Variants in TECPR2 observed in about 807,000 individuals in gnomAD.
TECPR2 encodes tectonin beta-propeller repeat-containing protein 2.
In TECPR2, 65 loss-of-function variants were observed where a neutral mutation model predicts 138.1. The ratio of observed to expected loss-of-function variants is 0.47; its 90% CI spans 0.39 to 0.58. TECPR2 has a LOEUF of 0.58. TECPR2 is among the 20% of genes least tolerant of loss of function. TECPR2 has a pLI of 0.00. For missense variants in TECPR2, 1,553 were observed against 1,824.5 expected (o/e 0.85, Z 2.71); for synonymous variants, 746 against 749.8 (o/e 0.99, Z 0.08).
In TECPR2 at chr14:102,376,854, G is replaced by C; in HGVS notation, c.133G>C (p.Gly45Arg). The part of the protein sequence containing the change: ...VVYLTALDTN[G>R]DYIAVGSSIG... ...CTATCTCACGGCCCTCGACACCAAC[G>C]GGGACTACATCGCGGTGGGCAGCAG... Residue 45 changes from glycine (G) to arginine (R), a missense_variant, in exon 2 of 20, where the codon GGG becomes CGG. Transcript: ENST00000359520. The C allele has an allele frequency of 6.2e-7, 1 of 1,614,136 alleles. No homozygotes were observed. The highest frequency in any genetic ancestry group is 8.5e-7 in the Non-Finnish European group (1 of 1,180,042).
chr14:102,459,546 A>G (rs1890354512), intron 16 of TECPR2, among the ~76,000 whole-genome samples: 1 of 152,104 alleles, frequency 6.6e-6, no homozygotes, highest in South Asian at 2.1e-4. Flanking sequence ...TTGAGAGGCC[A>G]AGGTGCGTAG....
At chr14:102,386,491 T>A (rs528595203) in intron 2 of TECPR2, among the ~76,000 whole-genome samples, 41 of 149,432 alleles carry the variant, frequency 2.7e-4, no homozygotes, top group Admixed American at 4.7e-4. Context: ...AAAGTGAAAA[T>A]TTTTTTTTTG....
At chr14:102,407,869 T>C (rs922700254) in intron 3 of TECPR2, among the ~76,000 whole-genome samples, 2 of 151,956 alleles carry the variant, frequency 1.3e-5, no homozygotes, top group African/African-American at 2.4e-5. Context: ...TGGTGGCGGG[T>C]GCCTGTAGTC....
At chr14:102,437,926 G>T in intron 9 of TECPR2, 96 bp from the exon 10 acceptor site, 1 of 1,406,026 alleles carries the variant, frequency 7.1e-7, no homozygotes. Flanking sequence ...TTACCGTCTC[G>T]TGTTAATGAT....
chr14:102,449,590 G>A, intron 13 of TECPR2, 39 bp from the exon 14 acceptor site: 1 of 1,610,534 alleles, frequency 6.2e-7, no homozygotes, highest in Non-Finnish European at 8.5e-7. Flanking sequence ...ACTTGTAACT[G>A]CTCTGACAGC....
At position 102,443,850 on chromosome 14, in the gene TECPR2, T is replaced by C; in HGVS notation, c.2933+23T>C. Reference sequence around the variant, plus strand: ...CAGGTACTGGCGGGCCAGAGACTCCTTTCACATCGTGCTTGTCCTACCCTT... The same window carrying C: ...CAGGTACTGGCGGGCCAGAGACTCCCTTCACATCGTGCTTGTCCTACCCTT... On this transcript the variant is annotated intron_variant, in intron 12 of 19. Transcript: ENST00000359520. This position sits in a 1 kb window ranked among gnomAD's most constrained non-coding sequence, Gnocchi z 4.9. The C allele has an allele frequency of 6.5e-7, 1 of 1,531,208 alleles. No individual in the cohort carries two copies. Among genetic ancestry groups the C allele is most frequent in the Non-Finnish European group, 8.9e-7 (1 of 1,126,924 alleles). 94.9% of individuals were successfully genotyped at this position (1,531,208 alleles called of 1,614,324 possible).
chr14:102,396,077 CCTTT>C (rs1327959590), intron 2 of TECPR2, among the ~76,000 whole-genome samples: 1 of 150,992 alleles, frequency 6.6e-6, no homozygotes, highest in Non-Finnish European at 1.5e-5. Flanking sequence ...GGGGGAAATA[CCTTT>C]CTTGTTGAAG....
In TECPR2 at chr14:102,439,425, T is replaced by C. The variant is rs79375139; in HGVS notation, c.2579-1011T>C. Among the ~76,000 whole-genome samples the C allele has an allele frequency of 5.3e-4, 80 of 152,274 alleles. No homozygotes were observed. The East Asian group carries it at 0.012, about 22-fold the overall frequency. ...CGTTGTTTTTCTTGCTTGCTTTCAC[T>C]GTTTGTTTGAAAAATATTTTTCTTT... is the stretch of plus-strand genomic sequence containing the variant. On this transcript the variant is annotated intron_variant, in intron 10 of 19. Transcript: ENST00000359520.
At chr14:102,363,940 CT>C (rs1481657743) in intron 1 of TECPR2, among the ~76,000 whole-genome samples, 1 of 152,240 alleles carries the variant, frequency 6.6e-6, no homozygotes, top group Admixed American at 6.5e-5. Context: ...ATGTCTCTGA[CT>C]TCTCATGACT....
chr14:102,455,604 T>A (rs951337567), intron 16 of TECPR2, among the ~76,000 whole-genome samples: 24 of 151,304 alleles, frequency 1.6e-4, no homozygotes, highest in African/African-American at 5.3e-4. Flanking sequence ...TGTGCCACCA[T>A]GCCCACCTAA....
chr14:102,497,275 C>A (rs1195348579), intron 18 of TECPR2, among the ~76,000 whole-genome samples, 155 bp downstream of exon 18: 7 of 152,248 alleles, frequency 4.6e-5, no homozygotes, highest in Non-Finnish European at 8.8e-5. Flanking sequence ...GACAAGCCTC[C>A]CATCATGTTC....
chr14:102,373,356 A>G (rs1419073031), intron 1 of TECPR2, among the ~76,000 whole-genome samples: 2 of 152,244 alleles, frequency 1.3e-5, no homozygotes, highest in Non-Finnish European at 2.9e-5. Context: ...TCCAGTAACC[A>G]TACAACCATT....
chr14:102,431,771 G>T (rs746239611), intron 7 of TECPR2, 25 bp from the exon 8 acceptor site: 46 of 1,523,582 alleles, frequency 3.0e-5, no homozygotes, highest in Admixed American at 6.4e-5. Context: ...ATCACCAGTG[G>T]TAAAACCAGA....
Position 102,440,459 on chromosome 14 carries a change from C to T in TECPR2, c.2602C>T (p.Gln868Ter). 6.2e-7 allele frequency: 1 copy of T among 1,614,146 alleles called. No individual in the cohort carries two copies. Among genetic ancestry groups the T allele is most frequent in the Non-Finnish European group, 8.5e-7 (1 of 1,180,014 alleles). Residue 868 changes from glutamine (Q) to a stop codon, truncating the protein, a stop_gained, in exon 11 of 20, where the codon CAG (glutamine) becomes TAG (stop). Coordinates refer to ENST00000359520, the MANE Select transcript of TECPR2 (RefSeq NM_014844.5). LOFTEE classifies it high-confidence loss of function. ...PSGALLWKIEQKSNRAFACGK... is the reference protein window; with the variant it reads ...PSGALLWKIE The stretch of plus-strand genomic sequence containing the variant: ...AGGAGCCCTTCTCTGGAAGATTGAA[C>T]AGAAATCTAACCGGGCTTTTGCTTG...
At chr14:102,431,589 G>C (rs563015498) in intron 7 of TECPR2, among the ~76,000 whole-genome samples, 3 of 152,060 alleles carry the variant, frequency 2.0e-5, no homozygotes, top group Non-Finnish European at 4.4e-5. Flanking sequence ...TGATCCGCCC[G>C]CCTTGGCCTC....
At chr14:102,392,784 C>T (rs141027572) in intron 2 of TECPR2, among the ~76,000 whole-genome samples, 2 of 152,234 alleles carry the variant, frequency 1.3e-5, no homozygotes, top group East Asian at 3.9e-4. Context: ...TTTACCAATG[C>T]CAGGCACCTT....
At chr14:102,417,556 G>A (rs537741072) in intron 5 of TECPR2, among the ~76,000 whole-genome samples, 2 of 152,336 alleles carry the variant, frequency 1.3e-5, no homozygotes, top group African/African-American at 2.4e-5. Context: ...GCCTCTACAA[G>A]GGCAGTGATC....
intron 17 of TECPR2, among the ~76,000 whole-genome samples, chr14:102,484,682 G>A (rs1309282364): frequency 2.0e-5 from 3 of 152,042 alleles, no homozygotes; most frequent in African/African-American, 7.2e-5. Flanking sequence ...TCTTTGAGAT[G>A]GAGTCTTGCT....
intron 2 of TECPR2, 147 bp downstream of exon 2, chr14:102,377,087 T>C: frequency 2.4e-6 from 2 of 839,100 alleles, no homozygotes; most frequent in South Asian, 3.6e-5. Flanking sequence ...AAACCATCTT[T>C]AGCTGAAGTG....
Sources: gnomAD v4.1 joint callset for allele counts (sites outside exome capture counted in the v4.1 genomes callset) on GRCh38, gnomAD v4.1.1 for gene constraint, Gnocchi (gnomAD v3.1) non-coding constraint, MANE v1.5 for transcripts, NCBI Gene and HGNC (gene_info 2026-07-23, HGNC 2026-07-21) for gene names.